SPACA7: variants seen among roughly 807,000 people sequenced by gnomAD.
SPACA7 encodes the protein sperm acrosome associated 7.
SPACA7 carries 19 observed loss-of-function variants against 26.3 expected under a neutral mutation model. That is an observed-to-expected ratio of 0.72 (90% CI 0.50 to 1.06). SPACA7 has a LOEUF of 1.06. SPACA7 is among the 50% of genes least tolerant of loss of function. The probability of loss-of-function intolerance (pLI) is 0.00; values close to 1 mark genes in which losing one functional copy is unlikely to be tolerated. For missense variants in SPACA7, 211 were observed against 229.9 expected, an observed-to-expected ratio of 0.92 and a Z score of 0.53; for synonymous variants, 84 against 84.5, an observed-to-expected ratio of 0.99 and a Z score of 0.04.
intron 1 of SPACA7, among the ~76,000 whole-genome samples, chr13:112,389,055 A>G (rs902598915): frequency 3.3e-5 from 5 of 152,012 alleles, no homozygotes; most frequent in African/African-American, 1.2e-4. Flanking sequence ...CAGCTGCATG[A>G]CTCCTAAACC....
At chr13:112,384,914 A>G (rs1884427978) in intron 1 of SPACA7, among the ~76,000 whole-genome samples, 1 of 152,244 alleles carries the variant, frequency 6.6e-6, no homozygotes, top group Admixed American at 6.5e-5. Flanking sequence ...TGTTGAAGCT[A>G]GTTTATCAAA....
intron 1 of SPACA7, among the ~76,000 whole-genome samples, chr13:112,379,823 CA>C (rs1191173454): frequency 6.6e-6 from 1 of 151,960 alleles, no homozygotes; most frequent in Non-Finnish European, 1.5e-5. Flanking sequence ...ATGAAGTTGT[CA>C]AAAATTATAA....
At chr13:112,409,782 T>C (rs976432225) in intron 5 of SPACA7, among the ~76,000 whole-genome samples, 2 of 152,190 alleles carry the variant, frequency 1.3e-5, no homozygotes, top group Non-Finnish European at 2.9e-5. Flanking sequence ...TGTAAACTAG[T>C]TCAACCATTG....
At chr13:112,425,511 G>A (rs949925425) in intron 5 of SPACA7, among the ~76,000 whole-genome samples, 5 of 152,102 alleles carry the variant, frequency 3.3e-5, no homozygotes, top group Non-Finnish European at 7.3e-5. Context: ...ACCCAGGATG[G>A]GCCATAAAGT....
At chr13:112,388,493 G>C (rs1884675274) in intron 1 of SPACA7, among the ~76,000 whole-genome samples, 1 of 152,194 alleles carries the variant, frequency 6.6e-6, no homozygotes, top group Admixed American at 6.5e-5. Flanking sequence ...AGTAGAGAGA[G>C]TACCAGAGTC....
At chr13:112,393,972 G>C (rs370298081) in intron 2 of SPACA7, among the ~76,000 whole-genome samples, 1 of 132,944 alleles carries the variant, frequency 7.5e-6, no homozygotes, top group African/African-American at 3.0e-5. Flanking sequence ...GCAACAGAGC[G>C]AGACTCTGTC....
intron 5 of SPACA7, among the ~76,000 whole-genome samples, chr13:112,410,916 C>T (rs563463915): frequency 3.3e-5 from 5 of 152,222 alleles, no homozygotes; most frequent in African/African-American, 1.2e-4. Context: ...CTGACGAATA[C>T]ATGGATAAGC....
intron 1 of SPACA7, among the ~76,000 whole-genome samples, chr13:112,390,855 CA>C (rs1884842109): frequency 6.6e-6 from 1 of 152,178 alleles, no homozygotes; most frequent in Non-Finnish European, 1.5e-5. Flanking sequence ...GACATAAATC[CA>C]AACCATATCA....
intron 1 of SPACA7, among the ~76,000 whole-genome samples, chr13:112,384,616 A>C (rs1884410977): frequency 6.6e-6 from 1 of 152,160 alleles, no homozygotes; most frequent in Non-Finnish European, 1.5e-5. Context: ...TGGATATCAC[A>C]AAATAGAATC....
At chr13:112,390,343 T>C (rs1884801502) in intron 1 of SPACA7, among the ~76,000 whole-genome samples, 1 of 152,138 alleles carries the variant, frequency 6.6e-6, no homozygotes. Flanking sequence ...AGTGCCACAG[T>C]GGGGCAGGTC....
chr13:112,424,106 A>G (rs547172507), intron 5 of SPACA7, among the ~76,000 whole-genome samples: 1 of 152,344 alleles, frequency 6.6e-6, no homozygotes, highest in African/African-American at 2.4e-5. Context: ...AGCCTGATAA[A>G]TACGGGGTGA....
rs1228836101 is a variant in SPACA7, at chr13:112,416,727, T to G, written c.445+15563T>G. ...TAGTTTAGTTTTATCACCTCTATTT[T>G]GTCAATACATATAGCATTTGCATAT... is the stretch of plus-strand genomic sequence containing the variant. On this transcript the variant is annotated intron_variant, in intron 5 of 6. Coordinates refer to ENST00000283550, the MANE Select transcript of SPACA7 (RefSeq NM_145248.5). Among the ~76,000 whole-genome samples, 5 of 152,222 alleles carry G rather than the reference T, an allele frequency of 3.3e-5. No homozygotes were observed. The East Asian group carries it at 9.6e-4, about 29-fold the overall frequency.
intron 1 of SPACA7, among the ~76,000 whole-genome samples, chr13:112,386,165 G>C (rs1884512895): frequency 6.6e-6 from 1 of 152,194 alleles, no homozygotes; most frequent in Admixed American, 6.5e-5. Flanking sequence ...GTTGTAATTA[G>C]ACCATCCCCC....
intron 1 of SPACA7, among the ~76,000 whole-genome samples, chr13:112,389,464 A>G (rs1262648795): frequency 6.6e-6 from 1 of 152,238 alleles, no homozygotes; most frequent in Non-Finnish European, 1.5e-5. Flanking sequence ...TTTAACAAAC[A>G]GTCTCAAACT....
At chr13:112,380,550 TACTGCTAGTGTATCTTC>T (rs1883989512) in intron 1 of SPACA7, among the ~76,000 whole-genome samples, 1 of 152,220 alleles carries the variant, frequency 6.6e-6, no homozygotes, top group South Asian at 2.1e-4. Flanking sequence ...AAAATTCATT[TACTGCTAGTGTATCTTC>T]ACCACATAAG....
At chr13:112,419,189 A>G (rs1886869606) in intron 5 of SPACA7, among the ~76,000 whole-genome samples, 1 of 152,224 alleles carries the variant, frequency 6.6e-6, no homozygotes, top group African/African-American at 2.4e-5. Context: ...GCTGGAACAC[A>G]TGAGCTTTCT....
At chr13:112,430,168 C>CTGTGTGTG (rs1471577074) in intron 5 of SPACA7, among the ~76,000 whole-genome samples, 19,866 of 114,156 alleles carry the variant, frequency 0.17, 1,526 homozygotes, top group Non-Finnish European at 0.2. Flanking sequence ...CCTTGCATCT[C>CTGTGTGTG]TCTCTCTGTG....
chr13:112,399,207 T>C, intron 4 of SPACA7, 34 bp downstream of exon 4: 1 of 1,148,950 alleles, frequency 8.7e-7, no homozygotes. Context: ...CCTTCCCAAG[T>C]CCAGCTGTAA....
intron 1 of SPACA7, chr13:112,382,307 A>C: frequency 1.2e-6 from 1 of 861,838 alleles, no homozygotes; most frequent in Non-Finnish European, 1.7e-6. Flanking sequence ...ACTGGAGTGC[A>C]GAGGCGCCTC....
Sources: gnomAD v4.1 joint callset for allele counts (sites outside exome capture counted in the v4.1 genomes callset) on GRCh38, gnomAD v4.1.1 for gene constraint, MANE v1.5 for transcripts, NCBI Gene and HGNC (gene_info 2026-07-23, HGNC 2026-07-21) for gene names.